Variants in JSRP1 observed in about 807,000 individuals in gnomAD.
JSRP1 encodes 2310032K21Rik.
JSRP1 carries 29 observed loss-of-function variants against 21.4 expected under a neutral mutation model. The observed-to-expected ratio is 1.36, with a 90% CI of 1.01 to 1.85. The LOEUF is 1.85. Among genes scored for constraint, JSRP1 ranks in the 40% most tolerant of loss-of-function variants. JSRP1 has a pLI of 0.00. For synonymous variants in JSRP1, 221 were observed against 206.1 expected (o/e 1.07, Z -0.62); for missense variants, 531 against 461.5 (o/e 1.15, Z -1.38).
In JSRP1 at chr19:2,253,722, C is replaced by CCGGGGGCGGCGGCGGCGGCTG; in HGVS notation, c.313_333dup (p.Gln105_Pro111dup). ...CCCCAGGGCAGCTCCTCGCTCAGGG[C>CCGGGGGCGGCGGCGGCGGCTG]CGGGGGCGGCGGCGGCGGCTGCAGG... is the stretch of plus-strand genomic sequence containing the variant. On this transcript the variant is annotated inframe_insertion, in exon 5 of 7. Coordinates refer to ENST00000300961, the MANE Select transcript of JSRP1 (RefSeq NM_144616.4). 6.7e-7 allele frequency: 1 copy of CCGGGGGCGGCGGCGGCGGCTG among 1,492,100 alleles called. No individual in the cohort carries two copies. Among genetic ancestry groups the CCGGGGGCGGCGGCGGCGGCTG allele is most frequent in the African/African-American group, 1.5e-5 (1 of 68,290 alleles). The allele number at this position is 1,492,100 out of a possible 1,614,324, so 92.4% of individuals were successfully genotyped here. A position where few individuals can be genotyped will look rare whatever the true frequency, so the allele number is the denominator to read the frequency against.
chr19:2,253,727 G>T lies in JSRP1; in HGVS notation c.329C>A (p.Pro110His). ...TAPPLQPPPPPPALSEELPWG... is the reference protein window; with the variant it reads ...TAPPLQPPPPHPALSEELPWG... ...GGGCAGCTCCTCGCTCAGGGCCGGG[G>T]GCGGCGGCGGCGGCTGCAGGGGCGG... Residue 110 changes from proline (P) to histidine (H), a missense_variant, in exon 5 of 7, where the codon CCC becomes CAC. Pro to His is a moderately conservative substitution (Grantham distance 77, BLOSUM62 -2). Transcript: ENST00000300961. 3 of 1,478,416 alleles carry T rather than the reference G, an allele frequency of 2.0e-6. No homozygotes were observed. In the South Asian group the frequency reaches 3.9e-5, roughly 19 times the overall value. 91.6% of individuals were successfully genotyped at this position (1,478,416 alleles called of 1,614,324 possible).
In JSRP1 at chr19:2,253,652, G is replaced by A. The variant is rs966307022; in HGVS notation, c.404C>T (p.Ala135Val). 5 of 1,505,762 alleles carry A rather than the reference G, an allele frequency of 3.3e-6. No homozygotes were observed. Among genetic ancestry groups the A allele is most frequent in the East Asian group, 2.7e-5 (1 of 36,704 alleles). The allele number at this position is 1,505,762 out of a possible 1,614,324, so 93.3% of individuals were successfully genotyped here. Residue 135 changes from alanine (A) to valine (V), a missense_variant, in exon 5 of 7, where the codon GCG becomes GTG. Physicochemically the swap from Ala to Val is moderately conservative, Grantham distance 64 (BLOSUM62 0). Coordinates refer to ENST00000300961, the MANE Select transcript of JSRP1 (RefSeq NM_144616.4). ...NKCLVLASLV[A>V]LLGSAFQLCR... ...CAGCTGGAAAGCCGAGCCCAGCAGCGCCACCAGCGAGGCGAGCACCAGGCA... is the reference window on the plus strand; with the variant it reads ...CAGCTGGAAAGCCGAGCCCAGCAGCACCACCAGCGAGGCGAGCACCAGGCA...
rs998170395 is a variant in JSRP1, at chr19:2,256,408, T to C, written c.-56A>G. ...CCGCCAGCCGCTTTGCTGAGCCTTG[T>C]GGACAGGACGGAGGATGGGGAGGGT... On this transcript the variant is annotated 5_prime_UTR_variant, in exon 1 of 7. Transcript: ENST00000300961. The C allele has an allele frequency of 3.3e-5, 5 of 152,282 alleles. No individual in the cohort carries two copies. Among genetic ancestry groups the C allele is most frequent in the African/African-American group, 1.2e-4 (5 of 41,432 alleles). The allele number at this position is 152,282 out of a possible 1,614,324, so 9.4% of individuals were successfully genotyped here.
intron 1 of JSRP1, among the ~76,000 whole-genome samples, chr19:2,255,664 C>T (rs1276128854): frequency 6.6e-6 from 1 of 152,192 alleles, no homozygotes. Flanking sequence ...CCAGACGCAC[C>T]CCAAACCGAA....
At position 2,252,999 on chromosome 19, in the gene JSRP1, G is replaced by T. The variant is rs1402744417; in HGVS notation, c.441C>A (p.Ala147=). Residue 147 remains alanine, a synonymous_variant, in exon 6 of 7, where the codon GCC becomes GCA. Transcript: ENST00000300961. ...CTTGGAGTGCTGCCTCCCCAGGGAC[G>T]GCGTCTGCAGCGACAGGGTCGGGAC... ...LGSAFQLCRD[A]VPGEAALQAR... The T allele has an allele frequency of 3.1e-6, 5 of 1,598,804 alleles. No homozygotes were observed. Among genetic ancestry groups the T allele is most frequent in the East Asian group, 2.3e-5 (1 of 44,222 alleles).
In JSRP1 at chr19:2,253,610, C is replaced by T; in HGVS notation, c.436+10G>A. On this transcript the variant is annotated intron_variant, in intron 5 of 6. Transcript: ENST00000300961. ...CAGCCTCGCCCCACCTCTGGGGAGC[C>T]TGCGCTCACCGCGGCACAGCTGGAA... 6.8e-7 allele frequency: 1 copy of T among 1,461,494 alleles called. No individual in the cohort carries two copies. The highest frequency in any genetic ancestry group is 9.0e-7 in the Non-Finnish European group (1 of 1,113,908). The allele number at this position is 1,461,494 out of a possible 1,614,324, so 90.5% of individuals were successfully genotyped here. A position where few individuals can be genotyped will look rare whatever the true frequency, so the allele number is the denominator to read the frequency against.
intron 4 of JSRP1, 119 bp from the exon 5 acceptor site, chr19:2,253,912 C>G (rs992043222): frequency 5.1e-6 from 6 of 1,174,988 alleles, no homozygotes; most frequent in Admixed American, 7.4e-5. Context: ...CCTGCCTGTG[C>G]GGCCCCGGGC....
Sources: gnomAD v4.1 joint callset for allele counts (sites outside exome capture counted in the v4.1 genomes callset) on GRCh38, gnomAD v4.1.1 for gene constraint, MANE v1.5 for transcripts, NCBI Gene and HGNC (gene_info 2026-07-23, HGNC 2026-07-21) for gene names.